RARB: variants seen among roughly 807,000 people sequenced by gnomAD.
RARB encodes the protein retinoic acid receptor beta, also known as HBV-activated protein.
In RARB, 17 loss-of-function variants were observed where a neutral mutation model predicts 51.9. The observed-to-expected ratio is 0.33, with a 90% CI of 0.22 to 0.49. The LOEUF (loss-of-function observed/expected upper bound fraction) is 0.49. Ranked by LOEUF, RARB falls within the 20% of genes least tolerant of loss-of-function variation. The pLI is 0.99. For missense variants in RARB, 369 were observed against 550.8 expected (o/e 0.67, Z 3.30); for synonymous variants, 215 against 195.4 (o/e 1.10, Z -0.84).
At chr3:24,956,591 C>T (rs1575090474) in intron 2 of RARB, among the ~76,000 whole-genome samples, 1 of 152,152 alleles carries the variant, frequency 6.6e-6, no homozygotes, top group Non-Finnish European at 1.5e-5. Context: ...ACATTTGTGG[C>T]TTGAAACTGT....
chr3:25,318,936 T>G (rs1165823948), intron 5 of RARB, among the ~76,000 whole-genome samples: 1 of 152,226 alleles, frequency 6.6e-6, no homozygotes, highest in Non-Finnish European at 1.5e-5. Flanking sequence ...GTGCCCAGCA[T>G]AGATAGTAAC....
intron 2 of RARB, among the ~76,000 whole-genome samples, chr3:25,037,657 C>T (rs1050983454): frequency 6.6e-6 from 1 of 151,978 alleles, no homozygotes; most frequent in African/African-American, 2.4e-5. Context: ...CTACCAAGGG[C>T]TAGGGGAGAG....
At chr3:24,997,394 A>T (rs1225549969) in intron 2 of RARB, among the ~76,000 whole-genome samples, 3 of 150,220 alleles carry the variant, frequency 2.0e-5, no homozygotes, top group Non-Finnish European at 3.0e-5. Flanking sequence ...TTTTTTTTTT[A>T]ATCTAGTCTT....
intron 2 of RARB, among the ~76,000 whole-genome samples, chr3:24,940,353 G>A (rs1397229224): frequency 1.3e-5 from 2 of 152,186 alleles, no homozygotes; most frequent in African/African-American, 4.8e-5. Flanking sequence ...GGTCTGTGAT[G>A]CTGGCGACGT....
chr3:24,943,636 CTCT>C (rs1695715696), intron 2 of RARB, among the ~76,000 whole-genome samples: 1 of 152,166 alleles, frequency 6.6e-6, no homozygotes, highest in Admixed American at 6.6e-5. Context: ...GTCTGTAAGC[CTCT>C]TCATTGTCTT....
At chr3:24,874,139 T>G (rs932673521) in intron 2 of RARB, among the ~76,000 whole-genome samples, 8 of 152,024 alleles carry the variant, frequency 5.3e-5, no homozygotes, top group Non-Finnish European at 8.8e-5. Flanking sequence ...ATTTTGGTAT[T>G]GGAGGGTCCT....
intron 2 of RARB, among the ~76,000 whole-genome samples, chr3:25,027,980 T>G (rs75773180): frequency 6.6e-6 from 1 of 152,006 alleles, no homozygotes; most frequent in East Asian, 1.9e-4. Flanking sequence ...ATGGATTTTT[T>G]TTTTCAAACC....
At chr3:25,238,812 C>G (rs905839966) in intron 5 of RARB, among the ~76,000 whole-genome samples, 2 of 152,132 alleles carry the variant, frequency 1.3e-5, no homozygotes, top group African/African-American at 2.4e-5. Flanking sequence ...AACTCCTTCT[C>G]TACTAAAAAT....
chr3:25,242,021 G>T (rs562220940), intron 5 of RARB, among the ~76,000 whole-genome samples: 1 of 152,156 alleles, frequency 6.6e-6, no homozygotes, highest in Admixed American at 6.5e-5. Context: ...GCGTGAGATG[G>T]TATCTCATTG....
intron 2 of RARB, among the ~76,000 whole-genome samples, chr3:24,883,611 A>G (rs1381640295): frequency 6.6e-6 from 1 of 152,152 alleles, no homozygotes; most frequent in Admixed American, 6.5e-5. Flanking sequence ...TTTGAAGTTC[A>G]ATAATTCATC....
chr3:25,186,885 C>CTGTG (rs71057702), intron 5 of RARB, among the ~76,000 whole-genome samples: 15,220 of 114,102 alleles, frequency 0.13, 1,261 homozygotes, highest in East Asian at 0.18. Context: ...AAAGGTAAGC[C>CTGTG]TGTGTGTGTG....
At chr3:25,310,801 A>G (rs1704271151) in intron 5 of RARB, among the ~76,000 whole-genome samples, 1 of 152,196 alleles carries the variant, frequency 6.6e-6, no homozygotes, top group Non-Finnish European at 1.5e-5. Flanking sequence ...AACAGCATGT[A>G]CAGCACTTCC....
At chr3:25,219,919 A>C (rs1299352227) in intron 5 of RARB, among the ~76,000 whole-genome samples, 1 of 152,242 alleles carries the variant, frequency 6.6e-6, no homozygotes, top group Non-Finnish European at 1.5e-5. Flanking sequence ...AAATCTGCAT[A>C]ATGTGGCACA....
At chr3:25,324,615 A>G in intron 5 of RARB, 1 of 171,770 alleles carries the variant, frequency 5.8e-6, no homozygotes, top group Non-Finnish European at 1.3e-5. Context: ...CTTTGCAGAG[A>G]AGCTGGGAGG....
chr3:25,273,074 G>A (rs1361892864), intron 5 of RARB, among the ~76,000 whole-genome samples: 3 of 152,054 alleles, frequency 2.0e-5, no homozygotes, highest in East Asian at 3.9e-4. Context: ...CACATAGATA[G>A]CCCTGAGCCT....
chr3:24,986,107 C>A (rs763360854), intron 2 of RARB, among the ~76,000 whole-genome samples: 4 of 152,142 alleles, frequency 2.6e-5, no homozygotes, highest in Non-Finnish European at 5.9e-5. Flanking sequence ...AAGTGCTAAA[C>A]TATAAATTGT....
At chr3:24,928,536 G>T (rs1250922383) in intron 2 of RARB, among the ~76,000 whole-genome samples, 3 of 151,794 alleles carry the variant, frequency 2.0e-5, no homozygotes, top group Non-Finnish European at 4.4e-5. Flanking sequence ...ATTCCTTTTT[G>T]TTCTGTAATC....
chr3:25,212,896 G>A (rs905649993), intron 5 of RARB, among the ~76,000 whole-genome samples: 2 of 152,128 alleles, frequency 1.3e-5, no homozygotes, highest in African/African-American at 4.8e-5. Flanking sequence ...AATTACCAAA[G>A]GTCGCTCACT....
intron 3 of RARB, among the ~76,000 whole-genome samples, chr3:25,565,080 T>G (rs73151306): frequency 1.3e-5 from 2 of 152,206 alleles, no homozygotes; most frequent in African/African-American, 4.8e-5. Context: ...CCACACCCAG[T>G]AATACACAGG....
Sources: gnomAD v4.1 joint callset for allele counts (sites outside exome capture counted in the v4.1 genomes callset) on GRCh38, gnomAD v4.1.1 for gene constraint, MANE v1.5 for transcripts, NCBI Gene and HGNC (gene_info 2026-07-23, HGNC 2026-07-21) for gene names.